ACYP2: variants seen among roughly 807,000 people sequenced by gnomAD.
ACYP2 encodes the protein acylphosphatase 2.
A neutral mutation model predicts 11.2 loss-of-function variants in ACYP2; 12 were observed. The ratio of observed to expected loss-of-function variants is 1.08; its 90% confidence interval spans 0.69 to 1.74. ACYP2 has a LOEUF of 1.74. Among genes scored for constraint, ACYP2 ranks in the 40% most tolerant of loss-of-function variants. The probability of loss-of-function intolerance (pLI) is 0.00; values close to 1 mark genes in which losing one functional copy is unlikely to be tolerated. For missense variants in ACYP2, 134 were observed against 101.9 expected (o/e 1.31, Z -1.35); for synonymous variants, 43 against 32.2 (o/e 1.33, Z -1.13).
At chr2:54,081,623 C>T (rs920499679) in intron 4 of ACYP2, among the ~76,000 whole-genome samples, 1 of 152,210 alleles carries the variant, frequency 6.6e-6, no homozygotes, top group Non-Finnish European at 1.5e-5. Flanking sequence ...ATGAAATTGC[C>T]TAGTGACACA....
At chr2:54,295,602 T>C (rs1221730460) in intron 6 of ACYP2, among the ~76,000 whole-genome samples, 1 of 152,148 alleles carries the variant, frequency 6.6e-6, no homozygotes, top group East Asian at 1.9e-4. Context: ...TCAGTATACA[T>C]TTATTTCTTC....
chr2:54,177,346 G>T (rs1167633216), intron 6 of ACYP2, among the ~76,000 whole-genome samples: 1 of 152,302 alleles, frequency 6.6e-6, no homozygotes, highest in East Asian at 1.9e-4. Context: ...AGCTCATGGT[G>T]TGAGGTCTTC....
rs555830893 is a variant in ACYP2, at chr2:54,066,409, C to A, written c.277+9049C>A. Among the ~76,000 whole-genome samples the A allele has an allele frequency of 2.6e-5, 4 of 152,226 alleles. No individual in the cohort carries two copies. The East Asian group carries it at 7.7e-4, about 29-fold the overall frequency. On this transcript the variant is annotated intron_variant, in intron 4 of 6. Coordinates refer to ENST00000607452, the MANE Select transcript of ACYP2 (RefSeq NM_001320586.2). The stretch of plus-strand genomic sequence containing the variant: ...TAAACCTGTTTCCTTTATAAATTAC[C>A]CAGTCTTAAGTAGTTCTTTATAGCA...
chr2:54,065,324 G>T (rs182832690), intron 4 of ACYP2: 1 of 393,438 alleles, frequency 2.5e-6, no homozygotes, highest in East Asian at 3.6e-5. Flanking sequence ...AGGAGGCCCA[G>T]GTACTTTGTT....
chr2:54,090,385 C>T (rs941267044), intron 4 of ACYP2, among the ~76,000 whole-genome samples: 8 of 152,102 alleles, frequency 5.3e-5, no homozygotes, highest in African/African-American at 1.9e-4. Context: ...AATCCCAGCA[C>T]TTTGGGAGGC....
At chr2:54,063,031 A>G (rs1186861419) in intron 4 of ACYP2, among the ~76,000 whole-genome samples, 7 of 152,210 alleles carry the variant, frequency 4.6e-5, no homozygotes, top group Admixed American at 3.9e-4. Context: ...GTACTACGCT[A>G]GTTCCTGGGG....
At chr2:54,051,442 C>T (rs375503628) in intron 3 of ACYP2, 11 of 706,538 alleles carry the variant, frequency 1.6e-5, no homozygotes, top group Admixed American at 1.0e-4. Flanking sequence ...CTATATCCCT[C>T]CTAAACGGGT....
intron 4 of ACYP2, among the ~76,000 whole-genome samples, chr2:54,093,812 C>A (rs191426861): frequency 6.6e-6 from 1 of 152,048 alleles, no homozygotes; most frequent in Non-Finnish European, 1.5e-5. Flanking sequence ...TGGTCGTGGG[C>A]GCCTGTAGTC....
At position 54,000,131 on chromosome 2, in the gene ACYP2, A is replaced by G. The variant is rs752519130; in HGVS notation, c.62+26321A>G. Reference sequence around the variant, plus strand: ...CTTATTTCTATATAATAGAAATTATATTATTTTACTAAGAAGCTCATTGAG... The same window carrying G: ...CTTATTTCTATATAATAGAAATTATGTTATTTTACTAAGAAGCTCATTGAG... On this transcript the variant is annotated intron_variant, in intron 2 of 6. Transcript: ENST00000607452. Among the ~76,000 whole-genome samples the G allele has an allele frequency of 2.2e-4, 34 of 151,552 alleles. 8 individuals carry two copies. The highest frequency in any genetic ancestry group is 2.2e-3 in the Admixed American group (33 of 15,220).
chr2:54,084,910 A>G (rs1169897889), intron 4 of ACYP2: 1 of 152,170 alleles, frequency 6.6e-6, no homozygotes, highest in African/African-American at 2.4e-5. Context: ...AGATGATAAT[A>G]TTGAAATTAG....
intron 6 of ACYP2, among the ~76,000 whole-genome samples, chr2:54,161,769 A>G (rs56321761): frequency 0.011 from 1,660 of 152,306 alleles, 38 homozygotes; most frequent in African/African-American, 0.038. Flanking sequence ...TTTTGTAAGA[A>G]TACGTATTTT....
rs957126965 is a variant in ACYP2 at position 54,045,723 on chromosome 2, G to A, written c.63-5235G>A. Among the ~76,000 whole-genome samples, 5 of 152,272 alleles carry A rather than the reference G, an allele frequency of 3.3e-5. No individual in the cohort carries two copies. The South Asian group carries it at 1.0e-3, about 32-fold the overall frequency. ...CCCAGCTACTCGGGAGGCTGAGGCA[G>A]GAGAATGGCGGGAACCTGGGAGGTG... On this transcript the variant is annotated intron_variant, in intron 2 of 6. Transcript: ENST00000607452.
chr2:54,010,737 C>CTTTTTTTTTTTTTTTTTTT (rs539896151), intron 2 of ACYP2, among the ~76,000 whole-genome samples: 5 of 107,664 alleles, frequency 4.6e-5, no homozygotes, highest in Admixed American at 1.1e-4. Context: ...TTCTTTCTTT[C>CTTTTTTTTTTTTTTTTTTT]TTTTTTTTTT....
intron 2 of ACYP2, chr2:54,029,510 C>A (rs1214819058): frequency 5.2e-6 from 2 of 382,048 alleles, no homozygotes; most frequent in African/African-American, 4.2e-5. Context: ...GGAAGTGGTT[C>A]CAGCAACTCA....
chr2:54,109,917 G>A (rs942609325), intron 4 of ACYP2, among the ~76,000 whole-genome samples: 4 of 151,942 alleles, frequency 2.6e-5, no homozygotes, highest in African/African-American at 7.3e-5. Context: ...TTATTCAGAT[G>A]TCCTCAGTTT....
chr2:54,175,417 CTCTT>C (rs777549174), intron 6 of ACYP2, among the ~76,000 whole-genome samples: 55 of 151,814 alleles, frequency 3.6e-4, no homozygotes, highest in Non-Finnish European at 7.1e-4. Context: ...TGATTCTTCT[CTCTT>C]TCCTTCTTTA....
intron 2 of ACYP2, among the ~76,000 whole-genome samples, chr2:54,016,384 C>T (rs1374693787): frequency 6.6e-6 from 1 of 151,612 alleles, no homozygotes; most frequent in Non-Finnish European, 1.5e-5. Context: ...TCAGAAGAGG[C>T]TTGCTAATTT....
chr2:54,299,348 C>T (rs959194925), intron 6 of ACYP2, among the ~76,000 whole-genome samples: 2 of 151,730 alleles, frequency 1.3e-5, no homozygotes, highest in South Asian at 2.1e-4. Context: ...AATCCCAGCA[C>T]TTTGGGAGGC....
intron 6 of ACYP2, among the ~76,000 whole-genome samples, chr2:54,167,899 A>C (rs1257990325): frequency 6.6e-6 from 1 of 152,182 alleles, no homozygotes; most frequent in East Asian, 1.9e-4. Context: ...ATAAGTTCTA[A>C]ATAATAAGCC....
Sources: gnomAD v4.1 joint callset for allele counts (sites outside exome capture counted in the v4.1 genomes callset) on GRCh38, gnomAD v4.1.1 for gene constraint, MANE v1.5 for transcripts, NCBI Gene and HGNC (gene_info 2026-07-23, HGNC 2026-07-21) for gene names.